The following TDRD7 variants were observed in gnomAD, a reference collection of about 807,000 sequenced individuals.
TDRD7 encodes the protein tudor domain containing 7.
TDRD7 carries 47 observed loss-of-function variants against 109.8 expected under a neutral mutation model. The ratio of observed to expected loss-of-function variants is 0.43; its 90% CI spans 0.34 to 0.55. The LOEUF is 0.55. Among genes scored for constraint, TDRD7 ranks in the 20% least tolerant of loss-of-function variants. TDRD7 has a pLI of 0.03. For missense variants in TDRD7, 1,164 were observed against 1,319.2 expected (o/e 0.88, Z 1.82); for synonymous variants, 424 against 457.3 (o/e 0.93, Z 0.93).
At chr9:97,495,615 G>T (rs1354277045) in intron 16 of TDRD7, 48 bp from the exon 17 acceptor site, 1 of 1,533,272 alleles carries the variant, frequency 6.5e-7, no homozygotes, top group Non-Finnish European at 9.0e-7. Flanking sequence ...TCAAAGAAAA[G>T]CTCCTTTGAC....
intron 7 of TDRD7, among the ~76,000 whole-genome samples, chr9:97,462,042 G>T (rs1181607234): frequency 6.6e-6 from 1 of 152,156 alleles, no homozygotes; most frequent in Admixed American, 6.5e-5. Context: ...TCTAAGATGT[G>T]GTGTGGCCTG....
At chr9:97,490,293 A>G (rs567621846) in intron 16 of TDRD7, among the ~76,000 whole-genome samples, 6 of 152,166 alleles carry the variant, frequency 3.9e-5, no homozygotes, top group African/African-American at 1.4e-4. Flanking sequence ...GAGAGTCTGT[A>G]TTTCTCCTTT....
At chr9:97,415,219 T>G (rs191417137) in intron 1 of TDRD7, among the ~76,000 whole-genome samples, 9 of 152,306 alleles carry the variant, frequency 5.9e-5, no homozygotes, top group Admixed American at 3.3e-4. Flanking sequence ...GTAAGGAAGA[T>G]GAGCCAAATC....
chr9:97,463,739 A>T (rs1828770946), intron 7 of TDRD7, among the ~76,000 whole-genome samples: 1 of 152,232 alleles, frequency 6.6e-6, no homozygotes, highest in African/African-American at 2.4e-5. Context: ...AAAGCGCAAG[A>T]AAACAGTAGC....
chr9:97,483,951 A>C (rs375538507), intron 15 of TDRD7, among the ~76,000 whole-genome samples: 1 of 152,158 alleles, frequency 6.6e-6, no homozygotes, highest in Non-Finnish European at 1.5e-5. Context: ...ATGAAATCAT[A>C]ATTTACTTAC....
intron 7 of TDRD7, among the ~76,000 whole-genome samples, chr9:97,461,885 A>T (rs1828731168): frequency 6.6e-6 from 1 of 152,230 alleles, no homozygotes; most frequent in Non-Finnish European, 1.5e-5. Context: ...AAATAATTAG[A>T]ATCCTTCAAT....
chr9:97,491,597 T>A (rs1225432687), intron 16 of TDRD7, among the ~76,000 whole-genome samples: 1 of 152,176 alleles, frequency 6.6e-6, no homozygotes, highest in East Asian at 1.9e-4. Flanking sequence ...AGTCTTTTGT[T>A]GAGCCTGTGC....
chr9:97,487,124 A>G, intron 15 of TDRD7, 48 bp from the exon 16 acceptor site: 2 of 1,588,556 alleles, frequency 1.3e-6, no homozygotes, highest in Non-Finnish European at 1.7e-6. Context: ...TAAAGCAGGT[A>G]CTGAGTTTAT....
At chr9:97,428,366 A>C in intron 1 of TDRD7, 94 bp from the exon 2 acceptor site, 2 of 1,249,862 alleles carry the variant, frequency 1.6e-6, no homozygotes, top group East Asian at 2.4e-5. Flanking sequence ...ATGCAGTAAT[A>C]ATTTATAAAG....
rs760998008 is a variant in TDRD7, at chr9:97,439,266, T to C, written c.585T>C (p.Leu195=). 4 of 1,602,556 alleles carry C rather than the reference T, an allele frequency of 2.5e-6. No individual in the cohort carries two copies. The highest frequency in any genetic ancestry group is 3.4e-6 in the Non-Finnish European group (4 of 1,178,900). The change falls in exon 5 of 17, where the codon CTT becomes CTC. Residue 195 remains leucine, a synonymous_variant. Coordinates refer to ENST00000355295, the MANE Select transcript of TDRD7 (RefSeq NM_014290.3). ...TNNRFSPKAS[L]QPPLQMHLSR... The stretch of plus-strand genomic sequence containing the variant: ...TTAGGTTTAGCCCAAAGGCGTCCCT[T>C]CAACCACCTTTGCAGATGCATCTCT...
At position 97,432,233 on chromosome 9, in the gene TDRD7, C is replaced by T; in HGVS notation, c.558C>T (p.Asn186=). 2 of 1,613,572 alleles carry T rather than the reference C, an allele frequency of 1.2e-6. No individual in the cohort carries two copies. The highest frequency in any genetic ancestry group is 1.7e-6 in the Non-Finnish European group (2 of 1,179,590). ...AAAGGCATGTGACCATGTCCACCAACAACAGGTATTTGGCCTCTGACTCAC... is the reference window on the plus strand; with the variant it reads ...AAAGGCATGTGACCATGTCCACCAATAACAGGTATTTGGCCTCTGACTCAC... The part of the protein sequence containing the change: ...PVQRHVTMST[N]NRFSPKASLQ... Residue 186 remains asparagine, a synonymous_variant, in exon 4 of 17, where the codon AAC becomes AAT. Coordinates refer to ENST00000355295, the MANE Select transcript of TDRD7 (RefSeq NM_014290.3).
At chr9:97,420,571 CATAAT>C (rs1827883594) in intron 1 of TDRD7, among the ~76,000 whole-genome samples, 1 of 152,144 alleles carries the variant, frequency 6.6e-6, no homozygotes. Flanking sequence ...TTTCCTTTAG[CATAAT>C]ATAAGAGTCA....
intron 4 of TDRD7, among the ~76,000 whole-genome samples, chr9:97,437,379 A>C (rs1828221485): frequency 6.6e-6 from 1 of 152,238 alleles, no homozygotes; most frequent in South Asian, 2.1e-4. Flanking sequence ...CTATTGGCCA[A>C]AGGCCATCTT....
At chr9:97,487,048 G>C (rs117317958) in intron 15 of TDRD7, 124 bp from the exon 16 acceptor site, 95 of 1,131,286 alleles carry the variant, frequency 8.4e-5, no homozygotes, top group Admixed American at 2.2e-4. Flanking sequence ...TGAAAATATA[G>C]TTTTAAATTT....
At chr9:97,425,643 AAAGAAT>A (rs1405033646) in intron 1 of TDRD7, among the ~76,000 whole-genome samples, 2 of 152,186 alleles carry the variant, frequency 1.3e-5, no homozygotes, top group Non-Finnish European at 1.5e-5. Context: ...ACATCTGTGA[AAAGAAT>A]AAGAATACAG....
chr9:97,469,398 A>G (rs1337549633), intron 8 of TDRD7, among the ~76,000 whole-genome samples: 2 of 152,204 alleles, frequency 1.3e-5, no homozygotes, highest in African/African-American at 2.4e-5. Context: ...GACAGGCCCC[A>G]CAGGCCCGCT....
intron 3 of TDRD7, among the ~76,000 whole-genome samples, chr9:97,431,744 G>A (rs1002851846): frequency 7.2e-5 from 11 of 152,200 alleles, no homozygotes; most frequent in African/African-American, 2.7e-4. Flanking sequence ...ATAGCTGAGT[G>A]TGCTGTATTT....
chr9:97,443,467 C>T (rs1018828579), intron 6 of TDRD7, among the ~76,000 whole-genome samples: 8 of 152,154 alleles, frequency 5.3e-5, no homozygotes, highest in Non-Finnish European at 8.8e-5. Context: ...GTTAGTTCTC[C>T]TAATGGAAAT....
At chr9:97,417,108 G>A (rs1827823948) in intron 1 of TDRD7, among the ~76,000 whole-genome samples, 1 of 152,100 alleles carries the variant, frequency 6.6e-6, no homozygotes, top group African/African-American at 2.4e-5. Flanking sequence ...ATGTGCCCCT[G>A]GAGTCAATAT....
Sources: allele counts gnomAD v4.1 joint callset (sites outside exome capture counted in the v4.1 genomes callset), GRCh38; gene constraint gnomAD v4.1.1; transcripts MANE v1.5; gene names NCBI Gene and HGNC (gene_info 2026-07-23, HGNC 2026-07-21).